The following CR1 variants were observed in gnomAD, a reference collection of about 807,000 sequenced individuals.
The protein encoded by CR1 is complement C3b/C4b receptor 1 (Knops blood group), also known as complement receptor type 1.
Under a neutral mutation model 187.3 loss-of-function variants are expected in CR1, and 116 were observed. That is an observed-to-expected ratio of 0.62 (90% CI 0.53 to 0.72). The LOEUF (loss-of-function observed/expected upper bound fraction) is 0.72. Ranked by LOEUF, CR1 falls within the 30% of genes least tolerant of loss-of-function variation. The pLI, the probability that CR1 is intolerant of heterozygous loss-of-function variation, is 0.00. For synonymous variants in CR1, 576 were observed against 747.1 expected (o/e 0.77, Z 3.73); for missense variants, 1,731 against 2,110.7 (o/e 0.82, Z 3.52).
At chr1:207,619,765 A>G (rs2102400762) in intron 42 of CR1, 115 bp from the exon 43 acceptor site, 1 of 783,384 alleles carries the variant, frequency 1.3e-6, no homozygotes, top group Admixed American at 2.8e-5. Flanking sequence ...GTTTAAAAAC[A>G]TGCTTCCTCT....
At chr1:207,630,202 T>A (rs1007561341) in intron 45 of CR1, among the ~76,000 whole-genome samples, 16 of 152,220 alleles carry the variant, frequency 1.1e-4, no homozygotes, top group African/African-American at 3.9e-4. Context: ...AAAATCTCGA[T>A]GTAAATCCTA....
At chr1:207,615,214 T>G (rs11118173) in intron 40 of CR1, among the ~76,000 whole-genome samples, 241 of 152,294 alleles carry the variant, frequency 1.6e-3, no homozygotes, top group African/African-American at 5.1e-3. Flanking sequence ...TGCCAGGACT[T>G]TCCATGTGTA....
At chr1:207,499,540 A>G (rs1430716960) in intron 1 of CR1, among the ~76,000 whole-genome samples, 4 of 152,250 alleles carry the variant, frequency 2.6e-5, no homozygotes, top group Admixed American at 1.3e-4. Context: ...CCACTTGGGT[A>G]TAATTGACAT....
intron 3 of CR1, 84 bp downstream of exon 3, chr1:207,506,897 G>C (rs1659456034): frequency 8.9e-7 from 1 of 1,126,502 alleles, no homozygotes; most frequent in Non-Finnish European, 1.3e-6. Context: ...ATGTCAGAAA[G>C]GACAACTAAA....
At position 207,594,640 on chromosome 1, in the gene CR1, G is replaced by A. The variant is rs546909613; in HGVS notation, c.5810+5866G>A. 1.3e-3 allele frequency among the ~76,000 whole-genome samples: 199 copies of A among 152,234 alleles called. 5 individuals are homozygous for A. In the South Asian group the frequency reaches 0.037, roughly 28 times the overall value. ...CTGTGTACTCATTTTTGGTTGCCAT[G>A]ATAAATTCAGAGAGGAAAAACATGA... is the stretch of plus-strand genomic sequence containing the variant. On this transcript the variant is annotated intron_variant, in intron 35 of 46. Coordinates refer to ENST00000367049, the MANE Select transcript of CR1 (RefSeq NM_000651.6).
rs1372065272 is a variant in CR1 at position 207,511,772 on chromosome 1, T to C, written c.487+118T>C. On this transcript the variant is annotated intron_variant, in intron 4 of 46. Coordinates refer to ENST00000367049, the MANE Select transcript of CR1 (RefSeq NM_000651.6). ...ATCTGTCCTTCACACGGCTGAAGAC[T>C]GCGGTAATGTTCTCGAATATTCCTA... 4.4e-6 allele frequency: 4 copies of C among 918,146 alleles called. No homozygotes were observed. In the African/African-American group the frequency reaches 6.6e-5, roughly 15 times the overall value. 56.9% of individuals were successfully genotyped at this position (918,146 alleles called of 1,614,324 possible). A position where few individuals can be genotyped will look rare whatever the true frequency, so the allele number is the denominator to read the frequency against.
rs1662915295 is a variant in CR1, at chr1:207,639,460, G to A, written c.*51G>A. ...TCTCGAATACAATTTTGGTGGGAAA[G>A]GAGCCAATTGATTTCAACAGAATCA... On this transcript the variant is annotated 3_prime_UTR_variant, in exon 47 of 47. Coordinates refer to ENST00000367049, the MANE Select transcript of CR1 (RefSeq NM_000651.6). The A allele has an allele frequency of 1.2e-5, 18 of 1,539,784 alleles. 1 individual carries two copies. The Admixed American group carries it at 1.3e-4, about 11-fold the overall frequency.
At position 207,520,243 on chromosome 1, in the gene CR1, C is replaced by T. The variant is rs141598948; in HGVS notation, c.488-3368C>T. Among the ~76,000 whole-genome samples the T allele has an allele frequency of 3.4e-3, 513 of 152,292 alleles. 3 individuals are homozygous for T. Among genetic ancestry groups the T allele is most frequent in the African/African-American group, 9.9e-3 (413 of 41,560 alleles). On this transcript the variant is annotated intron_variant, in intron 4 of 46. Coordinates refer to ENST00000367049, the MANE Select transcript of CR1 (RefSeq NM_000651.6). ...GCAACGTGGTCGAGCCAGATATCTGCCTTATACAACTGCCTCCTGGTGACC... is the reference window on the plus strand; with the variant it reads ...GCAACGTGGTCGAGCCAGATATCTGTCTTATACAACTGCCTCCTGGTGACC...
chr1:207,611,964 C>A lies in CR1; in HGVS notation c.6498C>A (p.Gly2166=). ...TGAAATCCTGTGATGACTTCCTGGG[C>A]CAACTCCCTCATGGCCGTGTGCTAC... ...CTVKSCDDFL[G]QLPHGRVLLP... is the part of the protein sequence containing the mutation. Residue 2166 remains glycine, a synonymous_variant, in exon 39 of 47, where the codon GGC becomes GGA. Coordinates refer to ENST00000367049, the MANE Select transcript of CR1 (RefSeq NM_000651.6). 3 of 1,614,006 alleles carry A rather than the reference C, an allele frequency of 1.9e-6. No homozygotes were observed. Among genetic ancestry groups the A allele is most frequent in the Non-Finnish European group, 1.7e-6 (2 of 1,179,892 alleles).
At chr1:207,576,409 G>A (rs1182788659) in intron 28 of CR1, among the ~76,000 whole-genome samples, 5 of 152,142 alleles carry the variant, frequency 3.3e-5, no homozygotes, top group Non-Finnish European at 7.4e-5. Context: ...TCAGTATCCA[G>A]TTCTTTTTAT....
chr1:207,616,972 T>C (rs1662118850), intron 41 of CR1, among the ~76,000 whole-genome samples, 170 bp downstream of exon 41: 1 of 152,142 alleles, frequency 6.6e-6, no homozygotes, highest in South Asian at 2.1e-4. Context: ...AGGCACGCTG[T>C]CTCAATTGTT....
At chr1:207,514,994 T>TATACACAC (rs1553287769) in intron 4 of CR1, among the ~76,000 whole-genome samples, 3 of 119,566 alleles carry the variant, frequency 2.5e-5, no homozygotes, top group African/African-American at 8.9e-5. Context: ...TATATATATA[T>TATACACAC]ACACACACAC....
chr1:207,616,363 C>T (rs1662095413), intron 40 of CR1, among the ~76,000 whole-genome samples: 1 of 152,188 alleles, frequency 6.6e-6, no homozygotes, highest in Non-Finnish European at 1.5e-5. Context: ...TCCAGGAACA[C>T]TGTCTTTGGG....
intron 23 of CR1, 68 bp downstream of exon 23, chr1:207,564,302 G>T: frequency 6.3e-7 from 1 of 1,593,130 alleles, no homozygotes; most frequent in South Asian, 1.1e-5. Context: ...AAAAAGGGGA[G>T]ATTTGGTGTG....
intron 42 of CR1, 34 bp from the exon 43 acceptor site, chr1:207,619,846 A>T: frequency 6.5e-7 from 1 of 1,531,982 alleles, no homozygotes; most frequent in Non-Finnish European, 8.8e-7. Flanking sequence ...TCAACAATAA[A>T]ATATCAATTT....
At chr1:207,577,115 G>T (rs1406797234) in intron 28 of CR1, among the ~76,000 whole-genome samples, 2 of 152,096 alleles carry the variant, frequency 1.3e-5, no homozygotes, top group African/African-American at 4.8e-5. Flanking sequence ...GCCGAGTTTG[G>T]TGGCGCATGC....
intron 40 of CR1, among the ~76,000 whole-genome samples, chr1:207,615,503 G>C (rs1428105926): frequency 6.6e-6 from 1 of 152,104 alleles, no homozygotes; most frequent in Non-Finnish European, 1.5e-5. Context: ...AATAAAATAT[G>C]CCAAAATTCA....
At chr1:207,628,548 C>T (rs1324336103) in intron 45 of CR1, among the ~76,000 whole-genome samples, 1 of 152,140 alleles carries the variant, frequency 6.6e-6, no homozygotes, top group Non-Finnish European at 1.5e-5. Context: ...ACTCTAGGTT[C>T]AAAGAAATTC....
intron 2 of CR1, among the ~76,000 whole-genome samples, 159 bp from the exon 3 acceptor site, chr1:207,506,555 T>A (rs1426316553): frequency 6.6e-6 from 1 of 152,224 alleles, no homozygotes; most frequent in Non-Finnish European, 1.5e-5. Context: ...GAGCTGATCC[T>A]GAGGCAGTCT....
Sources: allele counts gnomAD v4.1 joint callset (sites outside exome capture counted in the v4.1 genomes callset), GRCh38; gene constraint gnomAD v4.1.1; transcripts MANE v1.5; gene names NCBI Gene and HGNC (gene_info 2026-07-23, HGNC 2026-07-21).